The following PCDH9 variants were observed in gnomAD, a reference collection of about 807,000 sequenced individuals.
PCDH9 encodes protocadherin-9.
A neutral mutation model predicts 70.6 loss-of-function variants in PCDH9; 24 were observed. That is an observed-to-expected ratio of 0.34 (90% CI 0.25 to 0.48). PCDH9 has a LOEUF of 0.48. PCDH9 is among the 20% of genes least tolerant of loss of function. PCDH9 has a pLI of 0.99. For synonymous variants in PCDH9, 562 were observed against 558.5 expected, an observed-to-expected ratio of 1.01 and a Z score of -0.09; for missense variants, 1,281 against 1,503.6, an observed-to-expected ratio of 0.85 and a Z score of 2.45.
chr13:67,154,641 CACACAT>C (rs879261061), intron 2 of PCDH9, among the ~76,000 whole-genome samples: 8,373 of 124,564 alleles, frequency 0.067, 1,004 homozygotes, highest in Non-Finnish European at 0.11. Flanking sequence ...CACACACACA[CACACAT>C]ACAAGATACT....
chr13:66,974,168 A>G (rs2083574581), intron 2 of PCDH9, among the ~76,000 whole-genome samples: 1 of 151,980 alleles, frequency 6.6e-6, no homozygotes, highest in Admixed American at 6.6e-5. Flanking sequence ...GGTTAAATTT[A>G]TTTCTTATCT....
At chr13:66,654,719 G>A (rs538805964) in intron 3 of PCDH9, among the ~76,000 whole-genome samples, 1 of 152,196 alleles carries the variant, frequency 6.6e-6, no homozygotes, top group South Asian at 2.1e-4. Context: ...TTGTTTGTTT[G>A]TTTGGTGACA....
chr13:66,570,841 A>G (rs952985220), intron 4 of PCDH9, among the ~76,000 whole-genome samples: 1 of 152,128 alleles, frequency 6.6e-6, no homozygotes, highest in Non-Finnish European at 1.5e-5. Flanking sequence ...TAGAGGACAC[A>G]TTAAGATAAA....
chr13:66,329,623 A>G (rs1404779385), intron 4 of PCDH9, among the ~76,000 whole-genome samples: 8 of 152,124 alleles, frequency 5.3e-5, no homozygotes, highest in Non-Finnish European at 8.8e-5. Context: ...TAATACATGG[A>G]ATGGGTTTTT....
chr13:66,307,954 C>T (rs915331582), intron 4 of PCDH9, among the ~76,000 whole-genome samples: 1 of 152,068 alleles, frequency 6.6e-6, no homozygotes, highest in African/African-American at 2.4e-5. Context: ...ATTCCACGAA[C>T]ATTTACTGAG....
intron 3 of PCDH9, among the ~76,000 whole-genome samples, chr13:66,899,089 T>G (rs554943734): frequency 6.6e-6 from 1 of 152,204 alleles, no homozygotes; most frequent in East Asian, 1.9e-4. Context: ...TTTAATTCTA[T>G]TAAATATTTC....
intron 2 of PCDH9, among the ~76,000 whole-genome samples, chr13:67,173,534 A>G (rs1299189527): frequency 6.6e-6 from 1 of 152,300 alleles, no homozygotes; most frequent in East Asian, 1.9e-4. Context: ...GAGTTTCACA[A>G]GATGGAAAAT....
intron 4 of PCDH9, among the ~76,000 whole-genome samples, chr13:66,305,340 A>C (rs1955447027): frequency 6.6e-6 from 1 of 152,198 alleles, no homozygotes; most frequent in East Asian, 1.9e-4. Context: ...ATACAGATAT[A>C]ACCATGATGC....
intron 4 of PCDH9, among the ~76,000 whole-genome samples, chr13:66,339,950 A>C (rs1158453266): frequency 6.6e-6 from 1 of 152,078 alleles, no homozygotes; most frequent in Non-Finnish European, 1.5e-5. Flanking sequence ...ACACCTCTTA[A>C]AAATCTATTG....
intron 3 of PCDH9, among the ~76,000 whole-genome samples, chr13:66,863,473 A>G (rs2081517229): frequency 6.6e-6 from 1 of 151,906 alleles, no homozygotes; most frequent in Admixed American, 6.6e-5. Flanking sequence ...TATAATACCC[A>G]TTTTTGTTTA....
chr13:66,910,605 A>G (rs965200647), intron 2 of PCDH9, among the ~76,000 whole-genome samples: 4 of 152,194 alleles, frequency 2.6e-5, no homozygotes, highest in African/African-American at 9.6e-5. Context: ...TAATTCAGTA[A>G]GTGGATTAAG....
intron 2 of PCDH9, among the ~76,000 whole-genome samples, chr13:66,987,338 G>C (rs561699584): frequency 6.6e-6 from 1 of 152,092 alleles, no homozygotes; most frequent in Non-Finnish European, 1.5e-5. Context: ...TTCCTTGCCT[G>C]TTTATAAACA....
At chr13:66,908,883 A>G (rs2096317590) in intron 2 of PCDH9, among the ~76,000 whole-genome samples, 1 of 152,206 alleles carries the variant, frequency 6.6e-6, no homozygotes, top group South Asian at 2.1e-4. Flanking sequence ...AAAATGTCGT[A>G]TGATAAATTT....
intron 4 of PCDH9, among the ~76,000 whole-genome samples, chr13:66,342,345 T>A (rs980658223): frequency 6.6e-6 from 1 of 152,230 alleles, no homozygotes; most frequent in African/African-American, 2.4e-5. Flanking sequence ...AGATTTCCTA[T>A]GAAAATAGCT....
At chr13:66,702,773 AG>A (rs2078663759) in intron 3 of PCDH9, among the ~76,000 whole-genome samples, 2 of 152,232 alleles carry the variant, frequency 1.3e-5, no homozygotes, top group African/African-American at 4.8e-5. Flanking sequence ...CTATGAATAA[AG>A]GAAACCTGGA....
chr13:66,425,160 T>C (rs1957647094), intron 4 of PCDH9, among the ~76,000 whole-genome samples: 1 of 151,878 alleles, frequency 6.6e-6, no homozygotes, highest in Non-Finnish European at 1.5e-5. Flanking sequence ...TTGCACTATA[T>C]ATATTCTTTG....
intron 3 of PCDH9, among the ~76,000 whole-genome samples, chr13:66,640,637 C>T (rs1221357894): frequency 6.6e-6 from 1 of 151,822 alleles, no homozygotes; most frequent in Non-Finnish European, 1.5e-5. Context: ...AGAATGAAAA[C>T]TAGTAATTCA....
chr13:67,145,287 A>G (rs1483350338), intron 2 of PCDH9, among the ~76,000 whole-genome samples: 1 of 152,104 alleles, frequency 6.6e-6, no homozygotes, highest in Non-Finnish European at 1.5e-5. Context: ...TAGTCTGAAC[A>G]AGATGCTTGT....
chr13:66,565,448 A>T (rs937586932), intron 4 of PCDH9, among the ~76,000 whole-genome samples: 5 of 152,224 alleles, frequency 3.3e-5, no homozygotes, highest in Non-Finnish European at 5.9e-5. Context: ...AAATTCCTGG[A>T]ATGAACTTCC....
Sources: allele counts gnomAD v4.1 joint callset (sites outside exome capture counted in the v4.1 genomes callset), GRCh38; gene constraint gnomAD v4.1.1; transcripts MANE v1.5; gene names NCBI Gene and HGNC (gene_info 2026-07-23, HGNC 2026-07-21).